The following ERAP1 variants were observed in gnomAD, a reference collection of about 807,000 sequenced individuals.
The protein encoded by ERAP1 is endoplasmic reticulum aminopeptidase 1, also known as adipocyte-derived leucine aminopeptidase.
ERAP1 carries 86 observed loss-of-function variants against 103.7 expected under a neutral mutation model. The ratio of observed to expected loss-of-function variants is 0.83; its 90% CI spans 0.70 to 0.99. The LOEUF (loss-of-function observed/expected upper bound fraction) is 0.99, where lower values mean the gene tolerates loss of function less well. ERAP1 is among the 50% of genes least tolerant of loss of function. The pLI, the probability that ERAP1 is intolerant of heterozygous loss-of-function variation, is 0.00. For missense variants in ERAP1, 1,009 were observed against 1,128.4 expected, an observed-to-expected ratio of 0.89 and a Z score of 1.52; for synonymous variants, 398 against 402.4, an observed-to-expected ratio of 0.99 and a Z score of 0.13.
In ERAP1 at chr5:96,781,062, G is replaced by A; in HGVS notation, c.2584C>T (p.Gln862Ter). 6.2e-7 allele frequency: 1 copy of A among 1,613,986 alleles called. No homozygotes were observed. Among genetic ancestry groups the A allele is most frequent in the Non-Finnish European group, 8.5e-7 (1 of 1,179,988 alleles). ...FLRKNWNKLVQKFELGSSSIA... is the reference protein window; with the variant it reads ...FLRKNWNKLV ...ACAATTTTTGGCACCACTTACTTTT[G>A]TACAAGTTTGTTCCAGTTTTTCCTC... Residue 862 changes from glutamine (Q) to a stop codon, truncating the protein, a stop_gained, in exon 17 of 19, where the codon CAA becomes TAA. Coordinates refer to ENST00000443439, the MANE Select transcript of ERAP1 (RefSeq NM_001040458.3). LOFTEE classifies it high-confidence loss of function.
rs370818718 is a variant in ERAP1 at position 96,797,223 on chromosome 5, G to A, written c.750C>T (p.Ile250=). The A allele has an allele frequency of 1.2e-6, 2 of 1,614,044 alleles. No individual in the cohort carries two copies. Among genetic ancestry groups the A allele is most frequent in the Non-Finnish European group, 1.7e-6 (2 of 1,180,036 alleles). The change falls in exon 4 of 19, where the codon ATC becomes ATT. Residue 250 remains isoleucine (I), a synonymous_variant. Coordinates refer to ENST00000443439, the MANE Select transcript of ERAP1 (RefSeq NM_001040458.3). ...TGCTGACAGACTCAAAATCTGAAAT[G>A]ATGAAGGCCACCAGATAGGTGCTCA... is the stretch of plus-strand genomic sequence containing the variant. The part of the protein sequence containing the change: ...VKMSTYLVAF[I]ISDFESVSKI...
chr5:96,917,321 A>T, the ERAP1 span: 1 of 601,058 alleles, frequency 1.7e-6, no homozygotes, highest in Non-Finnish European at 2.8e-6. Flanking sequence ...GGGTTCTGGC[A>T]TGTTGCCTAG....
At chr5:96,785,320 GA>G (rs972722517) in intron 13 of ERAP1, 13 of 201,160 alleles carry the variant, frequency 6.5e-5, no homozygotes, top group East Asian at 3.7e-4. Flanking sequence ...GTTTAGGAAA[GA>G]AAAAAAAATC....
At chr5:96,860,579 T>A in the ERAP1 span, among the ~76,000 whole-genome samples, 1 of 152,122 alleles carries the variant, frequency 6.6e-6, no homozygotes. Context: ...TAGCACTGAA[T>A]GAAAAAGACA....
In ERAP1 at chr5:96,788,801, A is replaced by G. The variant is rs116423760; in HGVS notation, c.1525-116T>C. ...CCAGTTGCCAACCTCCCCTCTTAGG[A>G]GCACTTTCTGATCCCTTTCTCAGTG... On this transcript the variant is annotated intron_variant, in intron 10 of 18. Coordinates refer to ENST00000443439, the MANE Select transcript of ERAP1 (RefSeq NM_001040458.3). The G allele has an allele frequency of 7.0e-4, 887 of 1,262,076 alleles. 5 individuals are homozygous for G. In the African/African-American group the frequency reaches 0.011, roughly 16 times the overall value. The allele number at this position is 1,262,076 out of a possible 1,614,324, so 78.2% of individuals were successfully genotyped here. A position where few individuals can be genotyped will look rare whatever the true frequency, so the allele number is the denominator to read the frequency against.
the ERAP1 span, among the ~76,000 whole-genome samples, chr5:96,922,383 G>A: frequency 6.6e-6 from 1 of 152,202 alleles, no homozygotes; most frequent in African/African-American, 2.4e-5. Flanking sequence ...TTGAGTTGGA[G>A]TTGGGAAAAG....
chr5:96,792,029 A>G, intron 8 of ERAP1, 32 bp downstream of exon 8: 1 of 1,612,420 alleles, frequency 6.2e-7, no homozygotes, highest in Non-Finnish European at 8.5e-7. Context: ...TTTAGTATCT[A>G]AACTGTATCC....
At chr5:96,838,445 G>A in the ERAP1 span, among the ~76,000 whole-genome samples, 1 of 152,124 alleles carries the variant, frequency 6.6e-6, no homozygotes, top group Admixed American at 6.5e-5. Context: ...ATAACATGGT[G>A]GTTCAGAGGT....
chr5:96,846,206 T>C, the ERAP1 span, among the ~76,000 whole-genome samples: 10 of 152,210 alleles, frequency 6.6e-5, no homozygotes, highest in Admixed American at 1.3e-4. Context: ...GGGAACTTGG[T>C]ATAAACAGAG....
At chr5:96,839,798 A>G in the ERAP1 span, among the ~76,000 whole-genome samples, 172 of 152,144 alleles carry the variant, frequency 1.1e-3, no homozygotes, top group Non-Finnish European at 1.9e-3. Context: ...AACAATCTCT[A>G]CCCTCAACTT....
chr5:96,929,545 A>G, the ERAP1 span, among the ~76,000 whole-genome samples: 3 of 148,872 alleles, frequency 2.0e-5, no homozygotes, highest in Admixed American at 1.3e-4. Context: ...AGTGTAGTGC[A>G]CCCCGGCGGG....
At position 96,775,252 on chromosome 5, in the gene ERAP1, T is replaced by TGAA. The variant is rs576494506; in HGVS notation, c.*1141_*1143dup. The TGAA allele has an allele frequency of 4.1e-5, 38 of 931,294 alleles. No homozygotes were observed. In the East Asian group the frequency reaches 4.0e-3, roughly 98 times the overall value. 57.7% of individuals were successfully genotyped at this position (931,294 alleles called of 1,614,324 possible). A position where few individuals can be genotyped will look rare whatever the true frequency, so the allele number is the denominator to read the frequency against. Reference sequence around the variant, plus strand: ...AACTGTGTGCTGAAGCAACCGTGTGTGAAGTCTTCACAAAAGAAAGAAAGA... The same window carrying TGAA: ...AACTGTGTGCTGAAGCAACCGTGTGTGAAGAAGTCTTCACAAAAGAAAGAAAGA... On this transcript the variant is annotated 3_prime_UTR_variant, in exon 19 of 19. Coordinates refer to ENST00000443439, the MANE Select transcript of ERAP1 (RefSeq NM_001040458.3).
chr5:96,812,310 C>T (rs79694581), upstream of ERAP1, among the ~76,000 whole-genome samples: 2,185 of 152,290 alleles, frequency 0.014, 57 homozygotes, highest in Admixed American at 0.064. Context: ...TAAATCATGT[C>T]AATTTCTTAA....
the ERAP1 span, among the ~76,000 whole-genome samples, chr5:96,929,374 C>G: frequency 2.0e-5 from 3 of 152,312 alleles, no homozygotes; most frequent in Admixed American, 6.5e-5. Flanking sequence ...AACTAATACA[C>G]ATGCCCAAAA....
At chr5:96,857,437 G>A in the ERAP1 span, among the ~76,000 whole-genome samples, 1 of 151,936 alleles carries the variant, frequency 6.6e-6, no homozygotes. Flanking sequence ...CTTGCCCATA[G>A]AAAACTCTCA....
At chr5:96,822,223 C>A in the ERAP1 span, among the ~76,000 whole-genome samples, 1 of 152,160 alleles carries the variant, frequency 6.6e-6, no homozygotes, top group East Asian at 1.9e-4. Flanking sequence ...ATTACAGCAC[C>A]TCCTAACTAA....
chr5:96,778,546 C>A (rs931025830), intron 18 of ERAP1, among the ~76,000 whole-genome samples: 2 of 152,226 alleles, frequency 1.3e-5, no homozygotes, highest in Non-Finnish European at 2.9e-5. Flanking sequence ...CCAGGAGCGC[C>A]TGTGGGAATT....
intron 19 of ERAP1, chr5:96,767,781 T>G (rs1011494176): frequency 1.5e-6 from 1 of 649,626 alleles, no homozygotes; most frequent in African/African-American, 1.8e-5. Context: ...TTATTATTAA[T>G]AAAGAATGTC....
intron 14 of ERAP1, 130 bp downstream of exon 14, chr5:96,783,794 T>C: frequency 1.0e-6 from 1 of 992,136 alleles, no homozygotes; most frequent in South Asian, 1.6e-5. Flanking sequence ...ATTTATTTGC[T>C]TTTCCTTAAT....
Sources: gnomAD v4.1 joint callset for allele counts (sites outside exome capture counted in the v4.1 genomes callset) on GRCh38, gnomAD v4.1.1 for gene constraint, MANE v1.5 for transcripts, NCBI Gene and HGNC (gene_info 2026-07-23, HGNC 2026-07-21) for gene names.